VPS13B: variants seen among roughly 807,000 people sequenced by gnomAD.
VPS13B encodes vacuolar protein sorting 13 homolog B, also known as intermembrane lipid transfer protein VPS13B.
Under a neutral mutation model 426.4 loss-of-function variants are expected in VPS13B, and 285 were observed. That is an observed-to-expected ratio of 0.67 (90% CI 0.61 to 0.74). VPS13B has a LOEUF of 0.74. VPS13B is among the 30% of genes least tolerant of loss of function. VPS13B has a pLI of 0.00. For synonymous variants in VPS13B, 1,676 were observed against 1,676.4 expected (o/e 1.00, Z 0.01); for missense variants, 4,537 against 4,782.6 (o/e 0.95, Z 1.51).
At chr8:99,100,557 T>C (rs1030122804) in intron 4 of VPS13B, among the ~76,000 whole-genome samples, 10 of 152,182 alleles carry the variant, frequency 6.6e-5, no homozygotes, top group Non-Finnish European at 7.3e-5. Context: ...CCCAAAGTGC[T>C]GGGATTATAG....
chr8:99,304,884 A>G (rs140571480), intron 19 of VPS13B, among the ~76,000 whole-genome samples: 170 of 152,014 alleles, frequency 1.1e-3, no homozygotes, highest in African/African-American at 3.9e-3. Flanking sequence ...CCCCCTCCCA[A>G]TGTTTTCTGT....
chr8:99,352,476 A>G (rs1248577621), intron 19 of VPS13B, among the ~76,000 whole-genome samples: 1 of 152,194 alleles, frequency 6.6e-6, no homozygotes. Context: ...AATAAAGTTG[A>G]GTTTTAAAAG....
intron 28 of VPS13B, among the ~76,000 whole-genome samples, chr8:99,508,996 A>T (rs1414287540): frequency 2.0e-5 from 3 of 152,140 alleles, no homozygotes; most frequent in African/African-American, 7.2e-5. Flanking sequence ...TAAAACATTT[A>T]TACATTGAAA....
At chr8:99,645,158 CCTGT>C (rs1015582612) in intron 34 of VPS13B, among the ~76,000 whole-genome samples, 4 of 152,138 alleles carry the variant, frequency 2.6e-5, no homozygotes, top group South Asian at 2.1e-4. Flanking sequence ...GCAAAAGATT[CCTGT>C]CTAAGTTTTA....
chr8:99,421,194 A>G (rs1039306486), intron 21 of VPS13B, among the ~76,000 whole-genome samples: 1 of 152,200 alleles, frequency 6.6e-6, no homozygotes, highest in Admixed American at 6.5e-5. Flanking sequence ...ATCATATTGT[A>G]CCAAGTTGAA....
intron 23 of VPS13B, among the ~76,000 whole-genome samples, chr8:99,449,335 T>G (rs1818075391): frequency 6.6e-6 from 1 of 152,154 alleles, no homozygotes; most frequent in Non-Finnish European, 1.5e-5. Context: ...GTTTTTGGTG[T>G]GCATGGTGGG....
intron 31 of VPS13B, among the ~76,000 whole-genome samples, 172 bp downstream of exon 31, chr8:99,556,825 C>T (rs965126867): frequency 6.6e-6 from 1 of 151,964 alleles, no homozygotes; most frequent in African/African-American, 2.4e-5. Context: ...GGCATGGAAA[C>T]CTGCTAGTCC....
chr8:99,724,618 C>T (rs899755710), intron 39 of VPS13B, among the ~76,000 whole-genome samples: 1 of 151,968 alleles, frequency 6.6e-6, no homozygotes. Flanking sequence ...TCACAGTTGT[C>T]GTGGAGTATT....
chr8:99,460,722 G>C (rs954863445), intron 23 of VPS13B, among the ~76,000 whole-genome samples: 5 of 152,028 alleles, frequency 3.3e-5, no homozygotes, highest in Non-Finnish European at 5.9e-5. Context: ...AAAATTATTG[G>C]TTGACTGTTT....
At chr8:99,284,493 G>T (rs1819329690) in intron 19 of VPS13B, among the ~76,000 whole-genome samples, 1 of 152,026 alleles carries the variant, frequency 6.6e-6, no homozygotes, top group African/African-American at 2.4e-5. Flanking sequence ...TATTTTTTGG[G>T]TTCAGCTTCA....
intron 33 of VPS13B, among the ~76,000 whole-genome samples, chr8:99,599,067 C>G (rs983014445): frequency 1.3e-5 from 2 of 151,982 alleles, no homozygotes; most frequent in Admixed American, 6.6e-5. Context: ...CTACAACTAT[C>G]TAAAGAATAA....
intron 35 of VPS13B, among the ~76,000 whole-genome samples, chr8:99,662,383 C>T (rs1248122250): frequency 1.3e-5 from 2 of 152,016 alleles, no homozygotes; most frequent in African/African-American, 2.4e-5. Flanking sequence ...AGTTACAGTG[C>T]TTCAGAGTGT....
intron 25 of VPS13B, among the ~76,000 whole-genome samples, chr8:99,491,680 C>T (rs1261740183): frequency 3.3e-5 from 5 of 152,114 alleles, no homozygotes; most frequent in Non-Finnish European, 5.9e-5. Flanking sequence ...GCATGCATCA[C>T]GTAGTTCTCG....
At chr8:99,648,133 T>G (rs1362401902) in intron 34 of VPS13B, among the ~76,000 whole-genome samples, 1 of 152,214 alleles carries the variant, frequency 6.6e-6, no homozygotes, top group Non-Finnish European at 1.5e-5. Context: ...TTGGGAATAT[T>G]CATTCATTCG....
At chr8:99,478,430 AG>A (rs1819816307) in intron 24 of VPS13B, among the ~76,000 whole-genome samples, 1 of 103,462 alleles carries the variant, frequency 9.7e-6, no homozygotes, top group African/African-American at 3.6e-5. Context: ...TTTTTGAGAC[AG>A]TTGTTTTTTT....
At chr8:99,045,961 GC>G (rs1296360694) in intron 3 of VPS13B, among the ~76,000 whole-genome samples, 1 of 152,058 alleles carries the variant, frequency 6.6e-6, no homozygotes, top group Non-Finnish European at 1.5e-5. Flanking sequence ...TTATCATATT[GC>G]TTGAAATCAG....
At chr8:99,329,025 G>T (rs3103732) in intron 19 of VPS13B, among the ~76,000 whole-genome samples, 125,590 of 152,052 alleles carry the variant, frequency 0.83, 52,394 homozygotes, top group South Asian at 0.89. Context: ...TATTTTTTCA[G>T]TTGAGTGCTT....
At chr8:99,686,012 GA>G (rs1343839210) in intron 35 of VPS13B, among the ~76,000 whole-genome samples, 1 of 152,064 alleles carries the variant, frequency 6.6e-6, no homozygotes, top group African/African-American at 2.4e-5. Flanking sequence ...CCAGGTATAC[GA>G]AGAGACTTGG....
At chr8:99,065,627 G>A (rs1451594447) in intron 3 of VPS13B, among the ~76,000 whole-genome samples, 2 of 152,146 alleles carry the variant, frequency 1.3e-5, no homozygotes, top group African/African-American at 4.8e-5. Context: ...CCACTATTGT[G>A]CAACATAGTG....
Sources: allele counts gnomAD v4.1 joint callset (sites outside exome capture counted in the v4.1 genomes callset), GRCh38; gene constraint gnomAD v4.1.1; transcripts MANE v1.5; gene names NCBI Gene and HGNC (gene_info 2026-07-23, HGNC 2026-07-21).